Variants in PCM1 observed in about 807,000 individuals in gnomAD.
PCM1 encodes pericentriolar material 1.
In PCM1, 157 loss-of-function variants were observed where a neutral mutation model predicts 241.9. The ratio of observed to expected loss-of-function variants is 0.65; its 90% CI spans 0.57 to 0.74. The LOEUF (loss-of-function observed/expected upper bound fraction) is 0.74. PCM1 is among the 30% of genes least tolerant of loss of function. The pLI is 0.00. For missense variants in PCM1, 3,478 were observed against 2,360.1 expected (o/e 1.47, Z -9.81); for synonymous variants, 1,085 against 784.9 (o/e 1.38, Z -6.39).
chr8:17,963,282 G>A lies in PCM1; in HGVS notation c.2645G>A (p.Arg882Lys). 6.3e-7 allele frequency: 1 copy of A among 1,580,978 alleles called. No homozygotes were observed. The highest frequency in any genetic ancestry group is 8.5e-7 in the Non-Finnish European group (1 of 1,170,758). Residue 882 changes from arginine (R) to lysine (K), a missense_variant, in exon 17 of 39, where the codon AGA (arginine) becomes AAA (lysine). Transcript: ENST00000325083. ...AACCTATGTACTCCTCAGCAAAGTA[G>A]AACAGAAAAGTAAGAGAGCTGCATA... ...SENLCTPQQS[R>K]TEKTMATWGG...
chr8:17,941,184 A>T (rs1055231364), intron 6 of PCM1, among the ~76,000 whole-genome samples: 1 of 152,180 alleles, frequency 6.6e-6, no homozygotes, highest in African/African-American at 2.4e-5. Flanking sequence ...CAGTGGTGCG[A>T]GGCATAATTT....
At chr8:17,980,434 T>A (rs1428209891) in intron 23 of PCM1, 157 bp from the exon 24 acceptor site, 7 of 503,802 alleles carry the variant, frequency 1.4e-5, no homozygotes, top group Non-Finnish European at 2.1e-5. Flanking sequence ...ATTGCAAAGA[T>A]ACCTCCAAGA....
rs573745106 is a variant in PCM1, at chr8:18,004,169, A to G, written c.4828-2094A>G. 3.3e-4 allele frequency among the ~76,000 whole-genome samples: 50 copies of G among 152,280 alleles called. No homozygotes were observed. The Middle Eastern group carries it at 0.017, about 52-fold the overall frequency. ...GGAAGAATTATGTAAGTTACATGCT[A>G]TCTGCTCAGAAACTGTTATACAATA... On this transcript the variant is annotated intron_variant, in intron 29 of 38. Coordinates refer to ENST00000325083, the MANE Select transcript of PCM1 (RefSeq NM_006197.4).
intron 29 of PCM1, among the ~76,000 whole-genome samples, chr8:17,994,909 C>T (rs2086106923): frequency 1.3e-5 from 2 of 151,346 alleles, no homozygotes; most frequent in East Asian, 3.8e-4. Context: ...AGTTTGAACT[C>T]TTTATATATG....
chr8:18,019,778 T>A (rs1364074618), intron 36 of PCM1, among the ~76,000 whole-genome samples: 1 of 152,196 alleles, frequency 6.6e-6, no homozygotes, highest in Non-Finnish European at 1.5e-5. Flanking sequence ...ACTCACCTCC[T>A]GCTATTTGGC....
chr8:17,943,547 T>G (rs1378567366), intron 6 of PCM1, among the ~76,000 whole-genome samples: 4 of 152,194 alleles, frequency 2.6e-5, no homozygotes, highest in Non-Finnish European at 4.4e-5. Flanking sequence ...GCATTACATA[T>G]AATTTAAAAA....
At chr8:17,979,737 ATACTTT>A (rs1439424235) in intron 23 of PCM1, among the ~76,000 whole-genome samples, 5 of 152,188 alleles carry the variant, frequency 3.3e-5, no homozygotes, top group African/African-American at 1.2e-4. Context: ...AGATTAATAC[ATACTTT>A]TAATTTGATT....
At chr8:17,977,647 T>C (rs1159044001) in intron 23 of PCM1, among the ~76,000 whole-genome samples, 1 of 152,170 alleles carries the variant, frequency 6.6e-6, no homozygotes, top group Non-Finnish European at 1.5e-5. Flanking sequence ...AGTGTTTTGC[T>C]ACTGCAAGCT....
intron 36 of PCM1, chr8:18,024,946 A>AAAT (rs1168988735): frequency 6.5e-6 from 1 of 154,056 alleles, no homozygotes; most frequent in African/African-American, 2.4e-5. Context: ...GACAGTTACT[A>AAAT]AATTCATACC....
Position 17,938,773 on chromosome 8 carries a change from A to G in PCM1, c.376A>G (p.Thr126Ala). The change falls in exon 5 of 39, where the codon ACA (threonine) becomes GCA (alanine). Residue 126 changes from threonine (T) to alanine (A), a missense_variant. Transcript: ENST00000325083. Reference sequence around the variant, plus strand: ...TGGAAGTGATTCCCAAGGTAGAGCAACAGCTGCTAACAACAAACGTCAGCT... The same window carrying G: ...TGGAAGTGATTCCCAAGGTAGAGCAGCAGCTGCTAACAACAAACGTCAGCT... ...SIGSDSQGRA[T>A]AANNKRQLSE... The G allele has an allele frequency of 1.9e-6, 3 of 1,612,166 alleles. No individual in the cohort carries two copies. The highest frequency in any genetic ancestry group is 2.5e-6 in the Non-Finnish European group (3 of 1,178,166).
In PCM1 at chr8:17,938,782, A is replaced by G. The variant is rs746878577; in HGVS notation, c.385A>G (p.Asn129Asp). 6.2e-7 allele frequency: 1 copy of G among 1,612,046 alleles called. No homozygotes were observed. Among genetic ancestry groups the G allele is most frequent in the Admixed American group, 1.7e-5 (1 of 60,030 alleles). ...TTCCCAAGGTAGAGCAACAGCTGCT[A>G]ACAACAAACGTCAGCTTAGTGAAAA... is the stretch of plus-strand genomic sequence containing the variant. ...SDSQGRATAANNKRQLSENRK... is the reference protein window; with the variant it reads ...SDSQGRATAADNKRQLSENRK... Residue 129 changes from asparagine (N) to aspartate (D), a missense_variant, in exon 5 of 39, where the codon AAC becomes GAC. By Grantham distance (23) the Asn-to-Asp change is conservative (BLOSUM62 1). Coordinates refer to ENST00000325083, the MANE Select transcript of PCM1 (RefSeq NM_006197.4).
rs774931687 is a variant in PCM1, at chr8:17,937,189, A to T, written c.152A>T (p.Lys51Met). The stretch of plus-strand genomic sequence containing the variant: ...AGATCATCAGAAAAGAATAAGAAAA[A>T]GTTTGGTGTAGAAAGTGATAAAAGA... ...ANRSSEKNKKKFGVESDKRVT... is the reference protein window; with the variant it reads ...ANRSSEKNKKMFGVESDKRVT... Residue 51 changes from lysine (K) to methionine (M), a missense_variant, in exon 4 of 39, where the codon AAG (lysine) becomes ATG (methionine). Physicochemically the swap from Lys to Met is moderately conservative, Grantham distance 95. Coordinates refer to ENST00000325083, the MANE Select transcript of PCM1 (RefSeq NM_006197.4). 65 of 1,593,804 alleles carry T rather than the reference A, an allele frequency of 4.1e-5. No homozygotes were observed. Among genetic ancestry groups the T allele is most frequent in the Non-Finnish European group, 5.3e-5 (62 of 1,168,238 alleles).
At chr8:18,026,007 AC>A (rs1436152981) in intron 38 of PCM1, among the ~76,000 whole-genome samples, 1 of 151,442 alleles carries the variant, frequency 6.6e-6, no homozygotes, top group Non-Finnish European at 1.5e-5. Context: ...TACTAAAAAT[AC>A]AAAAAATCAG....
chr8:17,968,586 G>T (rs1275298313), intron 21 of PCM1, among the ~76,000 whole-genome samples: 2 of 151,860 alleles, frequency 1.3e-5, no homozygotes, highest in African/African-American at 4.8e-5. Flanking sequence ...AAAGGTGTTG[G>T]CAGGGAATAT....
At chr8:17,970,753 T>TA (rs1564052426) in intron 22 of PCM1, among the ~76,000 whole-genome samples, 1 of 152,184 alleles carries the variant, frequency 6.6e-6, no homozygotes, top group Non-Finnish European at 1.5e-5. Context: ...TAATTGATAG[T>TA]AAAAAATTAC....
intron 9 of PCM1, 134 bp from the exon 10 acceptor site, chr8:17,955,336 T>G (rs2067788618): frequency 1.7e-6 from 1 of 605,668 alleles, no homozygotes; most frequent in African/African-American, 1.9e-5. Flanking sequence ...ATAAACAATT[T>G]TCTGAAATTT....
intron 2 of PCM1, chr8:17,925,157 A>G (rs1163613029): frequency 6.6e-6 from 1 of 152,238 alleles, no homozygotes; most frequent in Non-Finnish European, 1.5e-5. Context: ...TTGGCTGTTC[A>G]TGAACTCTAC....
intron 38 of PCM1, among the ~76,000 whole-genome samples, chr8:18,026,163 CTGAAACAAAAAAAAAAAAAA>C (rs1286350744): frequency 6.7e-4 from 36 of 53,676 alleles, no homozygotes; most frequent in African/African-American, 2.3e-3. Context: ...GACTCCCTCT[CTGAAACAAAAAAAAAAAAAA>C]AAAAAAAAAA....
intron 29 of PCM1, among the ~76,000 whole-genome samples, chr8:17,997,985 G>A (rs529958605): frequency 2.0e-5 from 3 of 150,860 alleles, no homozygotes; most frequent in Non-Finnish European, 2.9e-5. Context: ...GCAGTGAGCC[G>A]AGATTGTGCC....
Sources: gnomAD v4.1 joint callset for allele counts (sites outside exome capture counted in the v4.1 genomes callset) on GRCh38, gnomAD v4.1.1 for gene constraint, MANE v1.5 for transcripts, NCBI Gene and HGNC (gene_info 2026-07-23, HGNC 2026-07-21) for gene names.